REG4: variants seen among roughly 807,000 people sequenced by gnomAD.
The protein encoded by REG4 is regenerating family member 4.
In REG4, 16 loss-of-function variants were observed where a neutral mutation model predicts 22.3. The ratio of observed to expected loss-of-function variants is 0.72; its 90% confidence interval spans 0.49 to 1.09. REG4 has a LOEUF of 1.09. Among genes scored for constraint, REG4 ranks in the 50% least tolerant of loss-of-function variants. The pLI is 0.00. For synonymous variants in REG4, 71 were observed against 69.2 expected (o/e 1.03, Z -0.13); for missense variants, 214 against 193.9 (o/e 1.10, Z -0.61).
intron 2 of REG4, 94 bp from the exon 3 acceptor site, chr1:119,803,259 A>C (rs1654180848): frequency 9.2e-6 from 12 of 1,311,238 alleles, no homozygotes; most frequent in Non-Finnish European, 1.2e-5. Context: ...CCCTTGAATG[A>C]AGAGAGTCCC....
chr1:119,797,318 A>G (rs1420139606), intron 5 of REG4, among the ~76,000 whole-genome samples: 1 of 152,118 alleles, frequency 6.6e-6, no homozygotes, highest in Non-Finnish European at 1.5e-5. Flanking sequence ...CTGTGCTCTC[A>G]CTGGTCTGTG....
rs183767580 is a variant in REG4 at position 119,794,570 on chromosome 1, G to T, written c.*48C>A. On this transcript the variant is annotated 3_prime_UTR_variant, in exon 6 of 6. Transcript: ENST00000256585. Reference sequence around the variant, plus strand: ...GCAGATTTAGCCAGGCTAGCAGAAAGGAAGAGGACGGGGCTGTGCAGGAGT... The same window carrying T: ...GCAGATTTAGCCAGGCTAGCAGAAATGAAGAGGACGGGGCTGTGCAGGAGT... 367 of 1,520,442 alleles carry T rather than the reference G, an allele frequency of 2.4e-4. 3 individuals carry two copies. The African/African-American group carries it at 4.3e-3, about 18-fold the overall frequency. 94.2% of individuals were successfully genotyped at this position (1,520,442 alleles called of 1,614,324 possible).
At chr1:119,805,997 T>G (rs1654303584) in intron 2 of REG4, among the ~76,000 whole-genome samples, 1 of 152,196 alleles carries the variant, frequency 6.6e-6, no homozygotes, top group Admixed American at 6.5e-5. Context: ...AGCGGCGCCA[T>G]CTCGGCTCAC....
intron 5 of REG4, among the ~76,000 whole-genome samples, chr1:119,797,951 G>A (rs1653980156): frequency 2.0e-5 from 3 of 152,248 alleles, no homozygotes; most frequent in Admixed American, 2.0e-4. Flanking sequence ...AAGAATGAAA[G>A]CAGGCCAGAG....
rs34938794 is a variant in REG4, at chr1:119,794,663, G to A, written c.432C>T (p.Asn144=). ...GGAAGTGTTGGCGCTTGTTGCATTC[G>A]TTGCTGCTCCAAGTTAAAAAGTCTG... ...SNNNFLTWSS[N]ECNKRQHFLC... The change falls in exon 6 of 6, where the codon AAC becomes AAT. Residue 144 remains asparagine (N), a synonymous_variant. Transcript: ENST00000256585. 955 of 1,614,068 alleles carry A rather than the reference G, an allele frequency of 5.9e-4. 4 individuals are homozygous for A. The highest frequency in any genetic ancestry group is 3.1e-3 in the African/African-American group (230 of 75,024).
At chr1:119,809,590 T>G (rs1654434305) in intron 1 of REG4, among the ~76,000 whole-genome samples, 1 of 152,202 alleles carries the variant, frequency 6.6e-6, no homozygotes, top group Non-Finnish European at 1.5e-5. Context: ...AAAAATAAGA[T>G]CATATAGTCC....
At chr1:119,795,795 G>T (rs12409248) in intron 5 of REG4, among the ~76,000 whole-genome samples, 1 of 152,200 alleles carries the variant, frequency 6.6e-6, no homozygotes, top group Admixed American at 6.5e-5. Context: ...AATGAAACAG[G>T]GCCTGCAAGC....
rs191792503 is a variant in REG4 at position 119,808,819 on chromosome 1, A to C, written c.-50T>G. The C allele has an allele frequency of 2.0e-3, 2,776 of 1,390,658 alleles. 9 individuals carry two copies. The highest frequency in any genetic ancestry group is 2.4e-3 in the Non-Finnish European group (2,396 of 982,382). The allele number at this position is 1,390,658 out of a possible 1,614,324, so 86.1% of individuals were successfully genotyped here. A position where few individuals can be genotyped will look rare whatever the true frequency, so the allele number is the denominator to read the frequency against. On this transcript the variant is annotated 5_prime_UTR_variant, in exon 2 of 6. Transcript: ENST00000256585. ...CTAGTGCAAGGATCTCAGAGACCTT[A>C]CTAGCGCTTCTTTGAAACTCCTGGG...
intron 5 of REG4, among the ~76,000 whole-genome samples, chr1:119,796,856 A>G (rs1653950817): frequency 6.6e-6 from 1 of 152,228 alleles, no homozygotes; most frequent in Non-Finnish European, 1.5e-5. Flanking sequence ...ATCGACTCAC[A>G]GGGAAAGGAC....
intron 2 of REG4, among the ~76,000 whole-genome samples, chr1:119,806,381 C>T (rs1202065337): frequency 3.9e-5 from 6 of 152,188 alleles, no homozygotes; most frequent in African/African-American, 1.2e-4. Context: ...AAGAAGACAT[C>T]GTGTCCCAGG....
At chr1:119,807,351 A>C (rs1190992357) in intron 2 of REG4, among the ~76,000 whole-genome samples, 14 of 152,240 alleles carry the variant, frequency 9.2e-5, no homozygotes. Flanking sequence ...AGCTGGAAGG[A>C]AGATCTATCT....
intron 4 of REG4, among the ~76,000 whole-genome samples, chr1:119,799,275 T>TA (rs1654025810): frequency 6.6e-6 from 1 of 151,804 alleles, no homozygotes. Flanking sequence ...AACAGGAAGT[T>TA]ACAGTGAAAA....
intron 2 of REG4, 65 bp downstream of exon 2, chr1:119,808,638 C>A: frequency 8.9e-7 from 1 of 1,120,208 alleles, no homozygotes; most frequent in Non-Finnish European, 1.3e-6. Flanking sequence ...AAATGGATGA[C>A]TGTCTCACAT....
chr1:119,797,312 G>A (rs587713206), intron 5 of REG4, among the ~76,000 whole-genome samples: 3 of 152,284 alleles, frequency 2.0e-5, no homozygotes, highest in African/African-American at 7.2e-5. Flanking sequence ...CAGCAGCTGT[G>A]CTCTCACTGG....
rs1052972 is a variant in REG4 at position 119,794,162 on chromosome 1, C to T, written c.*456G>A. On this transcript the variant is annotated 3_prime_UTR_variant, in exon 6 of 6. Coordinates refer to ENST00000256585, the MANE Select transcript of REG4 (RefSeq NM_032044.4). ...CAAGGATTCTACTGGTAAACCTTCC[C>T]ATGGCCAAAGGAAAAACAAGCAGGA... 0.54 allele frequency: 290,935 copies of T among 534,118 alleles called. 82,448 individuals are homozygous for T. Among genetic ancestry groups the T allele is most frequent in the African/African-American group, 0.74 (38,293 of 51,922 alleles). The allele number at this position is 534,118 out of a possible 1,614,324, so 33.1% of individuals were successfully genotyped here. A position where few individuals can be genotyped will look rare whatever the true frequency, so the allele number is the denominator to read the frequency against.
intron 3 of REG4, among the ~76,000 whole-genome samples, chr1:119,800,395 A>G (rs587642794): frequency 6.6e-6 from 1 of 152,332 alleles, no homozygotes; most frequent in East Asian, 1.9e-4. Flanking sequence ...AGGTGTCAGT[A>G]TGTGAACACA....
chr1:119,806,094 G>C (rs1457496631), intron 2 of REG4, among the ~76,000 whole-genome samples: 2 of 152,102 alleles, frequency 1.3e-5, no homozygotes, highest in African/African-American at 4.8e-5. Flanking sequence ...ACTGTACCAG[G>C]CTAGTTTTTT....
At chr1:119,802,803 G>T in intron 3 of REG4, 1 of 1,492,860 alleles carries the variant, frequency 6.7e-7, no homozygotes, top group Non-Finnish European at 8.9e-7. Flanking sequence ...CTGACAGTGA[G>T]CTTGCTGAGG....
At chr1:119,798,653 C>T (rs748237444) in intron 4 of REG4, 51 bp from the exon 5 acceptor site, 5 of 1,449,622 alleles carry the variant, frequency 3.4e-6, no homozygotes, top group South Asian at 2.3e-5. Flanking sequence ...CCACCTGCCA[C>T]AGCCAAGGAA....
Sources: gnomAD v4.1 joint callset for allele counts (sites outside exome capture counted in the v4.1 genomes callset) on GRCh38, gnomAD v4.1.1 for gene constraint, MANE v1.5 for transcripts, NCBI Gene and HGNC (gene_info 2026-07-23, HGNC 2026-07-21) for gene names.